USP15: variants seen among roughly 807,000 people sequenced by gnomAD.
USP15 encodes ubiquitin carboxyl-terminal hydrolase 15.
USP15 carries 18 observed loss-of-function variants against 127.1 expected under a neutral mutation model. The ratio of observed to expected loss-of-function variants is 0.14; its 90% CI spans 0.10 to 0.21. USP15 has a LOEUF of 0.21. USP15 is among the 10% of genes least tolerant of loss of function. The pLI, the probability that USP15 is intolerant of heterozygous loss-of-function variation, is 1.00. For missense variants in USP15, 805 were observed against 1,159.9 expected, an observed-to-expected ratio of 0.69 and a Z score of 4.44; for synonymous variants, 364 against 393.7, an observed-to-expected ratio of 0.92 and a Z score of 0.89.
At position 62,300,974 on chromosome 12, in the gene USP15, T is replaced by A. The variant is rs190994370; in HGVS notation, c.218-1816T>A. Among the ~76,000 whole-genome samples, 526 of 152,228 alleles carry A rather than the reference T, an allele frequency of 3.5e-3. 3 individuals are homozygous for A. The highest frequency in any genetic ancestry group is 6.8e-3 in the Middle Eastern group (2 of 294). Reference sequence around the variant, plus strand: ...GTGTGGGAGAAGATATTTACAATCATGTAGCAGATAAAAGACTTGTTTGTA... The same window carrying A: ...GTGTGGGAGAAGATATTTACAATCAAGTAGCAGATAAAAGACTTGTTTGTA... On this transcript the variant is annotated intron_variant, in intron 2 of 21. Transcript: ENST00000280377.
intron 8 of USP15, among the ~76,000 whole-genome samples, chr12:62,376,869 T>G (rs1204747506): frequency 3.3e-5 from 5 of 152,180 alleles, no homozygotes; most frequent in Admixed American, 3.3e-4. Context: ...AGTTTTCTAC[T>G]GCTACCTACA....
At chr12:62,373,439 G>A (rs1295494170) in intron 8 of USP15, among the ~76,000 whole-genome samples, 1 of 151,922 alleles carries the variant, frequency 6.6e-6, no homozygotes, top group Admixed American at 6.6e-5. Context: ...TCAAAGAAGG[G>A]ACAACAGTGG....
chr12:62,276,646 C>G (rs966103088), intron 1 of USP15, among the ~76,000 whole-genome samples: 1 of 151,958 alleles, frequency 6.6e-6, no homozygotes, highest in Non-Finnish European at 1.5e-5. Flanking sequence ...AGTATTTTCT[C>G]AGGAATGAAT....
chr12:62,325,380 A>C (rs887883644), intron 5 of USP15, among the ~76,000 whole-genome samples: 2 of 152,026 alleles, frequency 1.3e-5, no homozygotes, highest in Non-Finnish European at 1.5e-5. Context: ...AACCCCAAAT[A>C]AATTCTACAT....
chr12:62,405,984 T>G lies in USP15; in HGVS notation c.*1609T>G, dbSNP rs1362284026. 6.0e-5 allele frequency: 9 copies of G among 150,668 alleles called. No individual in the cohort carries two copies. Among genetic ancestry groups the G allele is most frequent in the South Asian group, 2.1e-4 (1 of 4,802 alleles). The allele number at this position is 150,668 out of a possible 1,614,324, so 9.3% of individuals were successfully genotyped here. A position where few individuals can be genotyped will look rare whatever the true frequency, so the allele number is the denominator to read the frequency against. ...GCTGCTTTGGGGTTTTTTTTTTCTT[T>G]TTTTTTTTTTTAATGTAAACTAACC... On this transcript the variant is annotated 3_prime_UTR_variant, in exon 22 of 22. Transcript: ENST00000280377.
chr12:62,358,531 A>G (rs137905230), intron 8 of USP15, among the ~76,000 whole-genome samples: 2 of 152,274 alleles, frequency 1.3e-5, no homozygotes, highest in South Asian at 2.1e-4. Context: ...CCTGGCCAAC[A>G]TGATGAAAGC....
chr12:62,302,221 G>A (rs2064340589), intron 2 of USP15, among the ~76,000 whole-genome samples: 1 of 152,116 alleles, frequency 6.6e-6, no homozygotes, highest in African/African-American at 2.4e-5. Context: ...GTAAAAGGTT[G>A]TTGATTTGCT....
chr12:62,373,298 C>CA (rs2066731059), intron 8 of USP15, among the ~76,000 whole-genome samples: 1 of 141,732 alleles, frequency 7.1e-6, no homozygotes, highest in African/African-American at 2.6e-5. Flanking sequence ...TAGATGAGGG[C>CA]AAAAAAGGAT....
At chr12:62,281,943 A>G (rs1222671462) in intron 1 of USP15, among the ~76,000 whole-genome samples, 2 of 152,212 alleles carry the variant, frequency 1.3e-5, no homozygotes, top group Non-Finnish European at 2.9e-5. Context: ...TCTGCAGAGT[A>G]TAAGTTCCAA....
At chr12:62,288,344 C>CTTTTTTTTTT (rs34110065) in intron 1 of USP15, among the ~76,000 whole-genome samples, 5 of 114,428 alleles carry the variant, frequency 4.4e-5, no homozygotes, top group Non-Finnish European at 6.9e-5. Context: ...TGGCATTTTA[C>CTTTTTTTTTT]TTTTTTTTTT....
In USP15 at chr12:62,336,269, T is replaced by A. The variant is rs979341779; in HGVS notation, c.683+10336T>A. On this transcript the variant is annotated intron_variant, in intron 6 of 21. Transcript: ENST00000280377. The stretch of plus-strand genomic sequence containing the variant: ...ACCACTTTTCTGAATTCCAGATTTT[T>A]CATAAATTTCATGTAGGACTCACCA... The A allele has an allele frequency of 3.0e-6, 3 of 985,302 alleles. No individual in the cohort carries two copies. In the African/African-American group the frequency reaches 5.2e-5, roughly 17 times the overall value. The allele number at this position is 985,302 out of a possible 1,614,324, so 61.0% of individuals were successfully genotyped here.
chr12:62,261,663 G>A (rs1347548853), intron 1 of USP15, among the ~76,000 whole-genome samples: 3 of 152,140 alleles, frequency 2.0e-5, no homozygotes, highest in African/African-American at 2.4e-5. Context: ...ATCTTGATTC[G>A]TTTTAATATC....
At chr12:62,294,437 G>T (rs1440810862) in intron 2 of USP15, 131 bp downstream of exon 2, 51 of 962,182 alleles carry the variant, frequency 5.3e-5, no homozygotes, top group Non-Finnish European at 6.9e-5. Context: ...TTTACCTAAT[G>T]AACTCATTAT....
rs1002555783 is a variant in USP15 at position 62,412,216 on chromosome 12, A to T, written c.*7841A>T. ...AAAGATGTACATGCCTTAATTTTCAAACTATTGCCAAAAAATGCTAAATAA... is the reference window on the plus strand; with the variant it reads ...AAAGATGTACATGCCTTAATTTTCATACTATTGCCAAAAAATGCTAAATAA... On this transcript the variant is annotated 3_prime_UTR_variant, in exon 22 of 22. Coordinates refer to ENST00000280377, the MANE Select transcript of USP15 (RefSeq NM_001252078.2). The T allele has an allele frequency of 6.6e-6, 1 of 152,202 alleles. No homozygotes were observed. The highest frequency in any genetic ancestry group is 1.5e-5 in the Non-Finnish European group (1 of 68,040). 9.4% of individuals were successfully genotyped at this position (152,202 alleles called of 1,614,324 possible).
intron 8 of USP15, among the ~76,000 whole-genome samples, chr12:62,369,317 G>T (rs1290308326): frequency 6.6e-6 from 1 of 152,104 alleles, no homozygotes; most frequent in Non-Finnish European, 1.5e-5. Flanking sequence ...AATTACCAGG[G>T]ATGCAAATTA....
At chr12:62,374,601 A>C in intron 8 of USP15, 1 of 976,624 alleles carries the variant, frequency 1.0e-6, no homozygotes, top group Non-Finnish European at 1.2e-6. Context: ...ATTTCCTAAA[A>C]TATGTTGACT....
chr12:62,308,320 A>G lies in USP15; in HGVS notation c.348+5400A>G, dbSNP rs554548895. Among the ~76,000 whole-genome samples, 752 of 152,182 alleles carry G rather than the reference A, an allele frequency of 4.9e-3. 3 individuals carry two copies. Among genetic ancestry groups the G allele is most frequent in the Non-Finnish European group, 7.6e-3 (519 of 67,998 alleles). On this transcript the variant is annotated intron_variant, in intron 3 of 21. Coordinates refer to ENST00000280377, the MANE Select transcript of USP15 (RefSeq NM_001252078.2). ...GGGGTAGACTGTGGTAGCCAGCCTCAAAGATGCTCCCCAGTGATTGTGACC... is the reference window on the plus strand; with the variant it reads ...GGGGTAGACTGTGGTAGCCAGCCTCGAAGATGCTCCCCAGTGATTGTGACC...
rs1376233427 is a variant in USP15 at position 62,413,088 on chromosome 12, A to G, written c.*8713A>G. 1 of 152,160 alleles carries G rather than the reference A, an allele frequency of 6.6e-6. No individual in the cohort carries two copies. Among genetic ancestry groups the G allele is most frequent in the African/African-American group, 2.4e-5 (1 of 41,444 alleles). The allele number at this position is 152,160 out of a possible 1,614,324, so 9.4% of individuals were successfully genotyped here. A position where few individuals can be genotyped will look rare whatever the true frequency, so the allele number is the denominator to read the frequency against. ...AGGCAGAAAAACACTAATCTCATAC[A>G]TCTCCATAGAGCTCTTGGGTGACCA... On this transcript the variant is annotated 3_prime_UTR_variant, in exon 22 of 22. Transcript: ENST00000280377.
At chr12:62,273,782 G>A (rs2063405313) in intron 1 of USP15, among the ~76,000 whole-genome samples, 1 of 151,896 alleles carries the variant, frequency 6.6e-6, no homozygotes, top group Non-Finnish European at 1.5e-5. Context: ...TGAACATTTG[G>A]GCTCTTATTC....
Sources: allele counts gnomAD v4.1 joint callset (sites outside exome capture counted in the v4.1 genomes callset), GRCh38; gene constraint gnomAD v4.1.1; transcripts MANE v1.5; gene names NCBI Gene and HGNC (gene_info 2026-07-23, HGNC 2026-07-21).